RFX4: variants seen among roughly 807,000 people sequenced by gnomAD.
RFX4 encodes regulatory factor X4, also known as transcription factor RFX4.
A neutral mutation model predicts 95.0 loss-of-function variants in RFX4; 10 were observed. The observed-to-expected ratio is 0.11, with a 90% CI of 0.06 to 0.18. The LOEUF is 0.18. RFX4 is among the 10% of genes least tolerant of loss of function. The probability of loss-of-function intolerance (pLI) is 1.00; values close to 1 mark genes in which losing one functional copy is unlikely to be tolerated. For synonymous variants in RFX4, 321 were observed against 340.7 expected, an observed-to-expected ratio of 0.94 and a Z score of 0.64; for missense variants, 640 against 922.0, an observed-to-expected ratio of 0.69 and a Z score of 3.96.
At chr12:106,736,054 G>A (rs1365576487) in intron 15 of RFX4, among the ~76,000 whole-genome samples, 1 of 152,084 alleles carries the variant, frequency 6.6e-6, no homozygotes, top group Non-Finnish European at 1.5e-5. Flanking sequence ...CAACAAATAC[G>A]GGAGTCAGCT....
chr12:106,630,290 A>T (rs1480685006), intron 2 of RFX4, among the ~76,000 whole-genome samples: 6 of 152,200 alleles, frequency 3.9e-5, no homozygotes, highest in African/African-American at 1.2e-4. Flanking sequence ...AAAATTTATC[A>T]ATCTTTTCTT....
At chr12:106,695,402 C>T (rs2041861144) in intron 7 of RFX4, among the ~76,000 whole-genome samples, 1 of 152,142 alleles carries the variant, frequency 6.6e-6, no homozygotes, top group South Asian at 2.1e-4. Context: ...CCTTTCCCAC[C>T]ACTTCACCCC....
intron 4 of RFX4, among the ~76,000 whole-genome samples, chr12:106,680,218 G>T (rs531564068): frequency 6.6e-6 from 1 of 152,298 alleles, no homozygotes; most frequent in South Asian, 2.1e-4. Context: ...CTCTGATGCT[G>T]AAATGCTGCG....
At chr12:106,614,731 G>A (rs1051834345) in intron 2 of RFX4, among the ~76,000 whole-genome samples, 1 of 151,426 alleles carries the variant, frequency 6.6e-6, no homozygotes, top group Non-Finnish European at 1.5e-5. Context: ...GGATGGTCTC[G>A]ATCTCCTGAC....
chr12:106,735,916 G>T (rs370081178), intron 15 of RFX4, among the ~76,000 whole-genome samples: 1 of 152,290 alleles, frequency 6.6e-6, no homozygotes, highest in East Asian at 1.9e-4. Context: ...ATTCTATGTG[G>T]CTGGAAGTAT....
At chr12:106,688,064 CTTTT>C (rs754808212) in intron 6 of RFX4, among the ~76,000 whole-genome samples, 1 of 96,234 alleles carries the variant, frequency 1.0e-5, no homozygotes, top group Non-Finnish European at 2.1e-5. Flanking sequence ...TATCACATTT[CTTTT>C]TTTTTTTTTT....
At position 106,727,766 on chromosome 12, in the gene RFX4, C is replaced by T. The variant is rs531725525; in HGVS notation, c.1352-4364C>T. Among the ~76,000 whole-genome samples the T allele has an allele frequency of 9.9e-5, 15 of 152,108 alleles. No homozygotes were observed. The East Asian group carries it at 1.2e-3, about 12-fold the overall frequency. On this transcript the variant is annotated intron_variant, in intron 13 of 17. Transcript: ENST00000392842. ...TCCCGAGTAGCTGGGATTACAGGTG[C>T]GCGCCACCACACCTGGCTAATTTTT...
rs564571973 is a variant in RFX4 at position 106,712,963 on chromosome 12, C to T, written c.993+1452C>T. Among the ~76,000 whole-genome samples the T allele has an allele frequency of 2.0e-5, 3 of 152,280 alleles. No homozygotes were observed. In the East Asian group the frequency reaches 5.8e-4, roughly 29 times the overall value. The stretch of plus-strand genomic sequence containing the variant: ...TTAATGCACATGTAGATAAAAGCGT[C>T]CACACCCATGCCTATAGCCACGTGT... On this transcript the variant is annotated intron_variant, in intron 10 of 17. Coordinates refer to ENST00000392842, the MANE Select transcript of RFX4 (RefSeq NM_213594.3).
At chr12:106,641,809 A>T (rs957889051) in intron 3 of RFX4, among the ~76,000 whole-genome samples, 1 of 152,164 alleles carries the variant, frequency 6.6e-6, no homozygotes, top group Non-Finnish European at 1.5e-5. Flanking sequence ...GTCATTAACT[A>T]ATTCAATAAA....
chr12:106,672,190 T>C (rs1182461079), intron 4 of RFX4, among the ~76,000 whole-genome samples: 3 of 152,194 alleles, frequency 2.0e-5, no homozygotes, highest in Non-Finnish European at 4.4e-5. Flanking sequence ...AAGGGTATCC[T>C]GCATGCTGGG....
rs928724066 is a variant in RFX4 at position 106,761,048 on chromosome 12, A to G, written c.1936-149A>G. On this transcript the variant is annotated intron_variant, in intron 17 of 17. Coordinates refer to ENST00000392842, the MANE Select transcript of RFX4 (RefSeq NM_213594.3). ...GTTGACTTCCCTAAGACCAATATTC[A>G]GTCTTGTAGAAGTTCAGTGATTCTT... The G allele has an allele frequency of 8.0e-6, 7 of 874,168 alleles. No homozygotes were observed. The African/African-American group carries it at 1.2e-4, about 15-fold the overall frequency. The allele number at this position is 874,168 out of a possible 1,614,324, so 54.2% of individuals were successfully genotyped here. A position where few individuals can be genotyped will look rare whatever the true frequency, so the allele number is the denominator to read the frequency against.
intron 15 of RFX4, among the ~76,000 whole-genome samples, chr12:106,746,457 G>A (rs187977350): frequency 9.9e-5 from 15 of 151,888 alleles, no homozygotes; most frequent in Admixed American, 5.9e-4. Context: ...CCTTGAGCCC[G>A]GGAGGTCAAG....
chr12:106,719,346 C>T (rs2042354856), intron 11 of RFX4, among the ~76,000 whole-genome samples: 2 of 152,170 alleles, frequency 1.3e-5, no homozygotes, highest in Admixed American at 6.5e-5. Context: ...TGAATTATCA[C>T]ATGTGCCCTA....
chr12:106,753,512 C>T (rs1327846187), intron 17 of RFX4, among the ~76,000 whole-genome samples: 2 of 152,154 alleles, frequency 1.3e-5, no homozygotes, highest in African/African-American at 4.8e-5. Flanking sequence ...TCCCTGAAGG[C>T]AAAGATGAAG....
In RFX4 at chr12:106,583,223, T is replaced by TACCAACCAACCAACCATACAA; in HGVS notation, c.-98_-97insACCAACCAACCAACCATACAA. The TACCAACCAACCAACCATACAA allele has an allele frequency of 1.3e-6, 1 of 782,856 alleles. No homozygotes were observed. The allele number at this position is 782,856 out of a possible 1,614,324, so 48.5% of individuals were successfully genotyped here. A position where few individuals can be genotyped will look rare whatever the true frequency, so the allele number is the denominator to read the frequency against. ...TTCTGCGTCTCTCTCTCTCCCCTTC[T>TACCAACCAACCAACCATACAA]CCCTCCCTCCCTCCCTTCCTCCCTG... is the stretch of plus-strand genomic sequence containing the variant. On this transcript the variant is annotated 5_prime_UTR_variant, in exon 1 of 18. Transcript: ENST00000392842.
At chr12:106,755,717 C>T (rs2043096492) in intron 17 of RFX4, among the ~76,000 whole-genome samples, 1 of 152,154 alleles carries the variant, frequency 6.6e-6, no homozygotes, top group Admixed American at 6.5e-5. Flanking sequence ...TTTAGCTTTC[C>T]AGAGCAGGGG....
At chr12:106,738,960 C>CT (rs1253489244) in intron 15 of RFX4, among the ~76,000 whole-genome samples, 3 of 152,008 alleles carry the variant, frequency 2.0e-5, no homozygotes, top group African/African-American at 7.3e-5. Flanking sequence ...TGCCATGTTT[C>CT]TTTTTTTAAA....
chr12:106,719,840 G>A (rs1659239136), intron 11 of RFX4, 120 bp from the exon 12 acceptor site: 1 of 747,624 alleles, frequency 1.3e-6, no homozygotes, highest in African/African-American at 1.8e-5. Context: ...CTAAGACCTT[G>A]GAGTTTTATT....
intron 7 of RFX4, among the ~76,000 whole-genome samples, chr12:106,690,692 C>T (rs2041762731): frequency 1.3e-5 from 2 of 152,182 alleles, no homozygotes; most frequent in African/African-American, 4.8e-5. Flanking sequence ...ATACCCCCTA[C>T]TTATCCTTGT....
Sources: gnomAD v4.1 joint callset for allele counts (sites outside exome capture counted in the v4.1 genomes callset) on GRCh38, gnomAD v4.1.1 for gene constraint, MANE v1.5 for transcripts, NCBI Gene and HGNC (gene_info 2026-07-23, HGNC 2026-07-21) for gene names.